Variants in ARFGEF3 observed in about 807,000 individuals in gnomAD.
The protein encoded by ARFGEF3 is brefeldin A-inhibited guanine nucleotide-exchange protein 3.
A neutral mutation model predicts 221.7 loss-of-function variants in ARFGEF3; 96 were observed. The ratio of observed to expected loss-of-function variants is 0.43; its 90% CI spans 0.37 to 0.51. ARFGEF3 has a LOEUF of 0.51. Ranked by LOEUF, ARFGEF3 falls within the 20% of genes least tolerant of loss-of-function variation. ARFGEF3 has a pLI of 0.00. For missense variants in ARFGEF3, 2,410 were observed against 2,789.9 expected, an observed-to-expected ratio of 0.86 and a Z score of 3.07; for synonymous variants, 1,145 against 1,126.8, an observed-to-expected ratio of 1.02 and a Z score of -0.32.
chr6:138,343,093 A>G lies in ARFGEF3; in HGVS notation c.*6607A>G, dbSNP rs1193063925. 6.6e-6 allele frequency: 1 copy of G among 152,218 alleles called. No homozygotes were observed. The highest frequency in any genetic ancestry group is 2.4e-5 in the African/African-American group (1 of 41,452). The allele number at this position is 152,218 out of a possible 1,614,324, so 9.4% of individuals were successfully genotyped here. ...ATTCAGTGAAATCATGTTAACTCAT[A>G]TAGAGGGGGCCTTAGTTTATCTCTT... is the stretch of plus-strand genomic sequence containing the variant. On this transcript the variant is annotated 3_prime_UTR_variant, in exon 34 of 34. Coordinates refer to ENST00000251691, the MANE Select transcript of ARFGEF3 (RefSeq NM_020340.5).
At chr6:138,265,678 T>G (rs1053199579) in intron 12 of ARFGEF3, among the ~76,000 whole-genome samples, 1 of 152,190 alleles carries the variant, frequency 6.6e-6, no homozygotes, top group African/African-American at 2.4e-5. Flanking sequence ...CAAATCCTCC[T>G]TCAACCAACA....
intron 19 of ARFGEF3, among the ~76,000 whole-genome samples, chr6:138,293,512 C>G (rs1302432871): frequency 6.6e-6 from 1 of 152,168 alleles, no homozygotes; most frequent in African/African-American, 2.4e-5. Flanking sequence ...AGGCCAGTCC[C>G]CGCCCTGGAG....
chr6:138,326,710 C>T (rs965590235), intron 31 of ARFGEF3, among the ~76,000 whole-genome samples: 1 of 152,148 alleles, frequency 6.6e-6, no homozygotes, highest in Non-Finnish European at 1.5e-5. Flanking sequence ...GGTGATTCCT[C>T]AAAGACCCAG....
At chr6:138,286,095 C>CAGTGTATGG in intron 15 of ARFGEF3, 42 bp downstream of exon 15, 1 of 1,065,734 alleles carries the variant, frequency 9.4e-7, no homozygotes, top group Non-Finnish European at 1.4e-6. Context: ...CCATACACTG[C>CAGTGTATGG]ATGTGTTACC....
intron 2 of ARFGEF3, among the ~76,000 whole-genome samples, chr6:138,184,817 G>GT (rs1434680657): frequency 6.6e-6 from 1 of 152,240 alleles, no homozygotes; most frequent in African/African-American, 2.4e-5. Flanking sequence ...GAGGGTGGCT[G>GT]TTGATGGAGC....
intron 26 of ARFGEF3, among the ~76,000 whole-genome samples, chr6:138,316,789 C>G (rs1779933349): frequency 6.6e-6 from 1 of 152,188 alleles, no homozygotes; most frequent in Non-Finnish European, 1.5e-5. Flanking sequence ...ATCTTGGAAA[C>G]AGTAGTGATA....
intron 5 of ARFGEF3, among the ~76,000 whole-genome samples, chr6:138,230,191 T>TA (rs199875625): frequency 0.012 from 1,768 of 152,208 alleles, 30 homozygotes; most frequent in African/African-American, 0.04. Context: ...GCATTTGATT[T>TA]AAAAAAATAG....
chr6:138,279,721 A>G (rs1779162340), intron 13 of ARFGEF3, among the ~76,000 whole-genome samples: 2 of 152,176 alleles, frequency 1.3e-5, no homozygotes, highest in South Asian at 4.1e-4. Context: ...CATCTGTGCA[A>G]TTGCAAACCT....
At chr6:138,202,689 A>AG (rs1419208074) in intron 2 of ARFGEF3, among the ~76,000 whole-genome samples, 1 of 152,150 alleles carries the variant, frequency 6.6e-6, no homozygotes, top group African/African-American at 2.4e-5. Context: ...AGCAAAAAAA[A>AG]AAAAAAACCC....
At chr6:138,292,243 G>C (rs552531105) in intron 19 of ARFGEF3, among the ~76,000 whole-genome samples, 190 bp downstream of exon 19, 1 of 152,194 alleles carries the variant, frequency 6.6e-6, no homozygotes, top group East Asian at 1.9e-4. Context: ...ACTAACACTG[G>C]AGGGTCTGAG....
chr6:138,226,774 T>C (rs555319060), intron 4 of ARFGEF3, among the ~76,000 whole-genome samples: 3 of 152,206 alleles, frequency 2.0e-5, no homozygotes, highest in Non-Finnish European at 4.4e-5. Flanking sequence ...CTACCCCTAG[T>C]CTGTGTTTTA....
rs773535876 is a variant in ARFGEF3, at chr6:138,334,182, G to A, written c.5336G>A (p.Arg1779Lys). The A allele has an allele frequency of 2.5e-6, 4 of 1,613,728 alleles. No homozygotes were observed. Among genetic ancestry groups the A allele is most frequent in the East Asian group, 4.5e-5 (2 of 44,862 alleles). ...TTCGACCTGCTGCTGGACTCTTATAGGACTGCCAGGGAGTTTGACACCAGC... is the reference window on the plus strand; with the variant it reads ...TTCGACCTGCTGCTGGACTCTTATAAGACTGCCAGGGAGTTTGACACCAGC... Reference protein sequence around the residue: ...VIFDLLLDSYRTAREFDTSPG... With the variant: ...VIFDLLLDSYKTAREFDTSPG... Residue 1779 changes from arginine (R) to lysine (K), a missense_variant, in exon 33 of 34, where the codon AGG (arginine) becomes AAG (lysine). By Grantham distance (26) the Arg-to-Lys change is conservative. Coordinates refer to ENST00000251691, the MANE Select transcript of ARFGEF3 (RefSeq NM_020340.5). The surrounding 1 kb of genome is among the most constrained non-coding windows in gnomAD (Gnocchi z 5.1).
At chr6:138,245,361 C>T (rs1778466133) in intron 7 of ARFGEF3, among the ~76,000 whole-genome samples, 152 bp from the exon 8 acceptor site, 1 of 152,182 alleles carries the variant, frequency 6.6e-6, no homozygotes, top group Admixed American at 6.5e-5. Flanking sequence ...TTTCTGTGAT[C>T]ATCACTTTGG....
Position 138,255,505 on chromosome 6 carries a change from T to C in ARFGEF3, c.840T>C (p.Ala280=). ...NPIHDKTITS[A]HTSSTSTSLE... is the part of the protein sequence containing the mutation. Reference sequence around the variant, plus strand: ...TTCATGACAAAACCATCACCTCTGCTCACACCAGCAGCACCAGTACCAGCC... The same window carrying C: ...TTCATGACAAAACCATCACCTCTGCCCACACCAGCAGCACCAGTACCAGCC... Residue 280 remains alanine, a synonymous_variant, in exon 10 of 34, where the codon GCT becomes GCC. Coordinates refer to ENST00000251691, the MANE Select transcript of ARFGEF3 (RefSeq NM_020340.5). 6.2e-7 allele frequency: 1 copy of C among 1,613,978 alleles called. No homozygotes were observed. The highest frequency in any genetic ancestry group is 8.5e-7 in the Non-Finnish European group (1 of 1,179,888).
intron 17 of ARFGEF3, among the ~76,000 whole-genome samples, chr6:138,288,694 A>G (rs957634323): frequency 6.6e-6 from 1 of 152,174 alleles, no homozygotes; most frequent in African/African-American, 2.4e-5. Flanking sequence ...CAAATAAATA[A>G]ATAAAATTAG....
rs1394453493 is a variant in ARFGEF3 at position 138,255,654 on chromosome 6, T to G, written c.989T>G (p.Val330Gly). The G allele has an allele frequency of 6.2e-7, 1 of 1,613,680 alleles. No individual in the cohort carries two copies. Among genetic ancestry groups the G allele is most frequent in the Non-Finnish European group, 8.5e-7 (1 of 1,179,864 alleles). The change falls in exon 10 of 34, where the codon GTC (valine) becomes GGC (glycine). Residue 330 changes from valine (V) to glycine (G), a missense_variant. Physicochemically the swap from Val to Gly is moderately radical, Grantham distance 109 (BLOSUM62 -3). Coordinates refer to ENST00000251691, the MANE Select transcript of ARFGEF3 (RefSeq NM_020340.5). ...RTIYYIAAEL[V>G]RLVGSVDSMK... ...ATCTATTACATCGCAGCCGAGCTGG[T>G]CCGGCTGGTGGGGTCTGTGGACTCC...
At chr6:138,323,816 A>T in intron 30 of ARFGEF3, 43 bp downstream of exon 30, 1 of 1,594,572 alleles carries the variant, frequency 6.3e-7, no homozygotes, top group Non-Finnish European at 8.6e-7. Context: ...AGTTCTAACC[A>T]TCTTTAGCTC....
In ARFGEF3 at chr6:138,273,138, T is replaced by A. The variant is rs556265966; in HGVS notation, c.2129-5313T>A. 2.6e-5 allele frequency among the ~76,000 whole-genome samples: 4 copies of A among 152,120 alleles called. No individual in the cohort carries two copies. In the East Asian group the frequency reaches 7.7e-4, roughly 29 times the overall value. On this transcript the variant is annotated intron_variant, in intron 12 of 33. Transcript: ENST00000251691. ...TGACATATGTAGTGTGATCTCGCTT[T>A]GTGGTATTTTCATACACACAAGGAA... is the stretch of plus-strand genomic sequence containing the variant.
chr6:138,253,417 G>A (rs897553880), intron 8 of ARFGEF3, among the ~76,000 whole-genome samples: 1 of 152,124 alleles, frequency 6.6e-6, no homozygotes, highest in Non-Finnish European at 1.5e-5. Context: ...TTACAGTTCT[G>A]GAGCCTGTAC....
Sources: allele counts gnomAD v4.1 joint callset (sites outside exome capture counted in the v4.1 genomes callset), GRCh38; gene constraint gnomAD v4.1.1; non-coding constraint Gnocchi (gnomAD v3.1); transcripts MANE v1.5; gene names NCBI Gene and HGNC (gene_info 2026-07-23, HGNC 2026-07-21).